SNX29: variants seen among roughly 807,000 people sequenced by gnomAD.
The protein encoded by SNX29 is sorting nexin 29, also known as sorting nexin-29.
SNX29 carries 78 observed loss-of-function variants against 102.1 expected under a neutral mutation model. That is an observed-to-expected ratio of 0.76 (90% confidence interval 0.64 to 0.92). The LOEUF (loss-of-function observed/expected upper bound fraction) is 0.92, where lower values mean the gene tolerates loss of function less well. Ranked by LOEUF, SNX29 falls within the 40% of genes least tolerant of loss-of-function variation. SNX29 has a pLI of 0.00. For synonymous variants in SNX29, 580 were observed against 414.5 expected (o/e 1.40, Z -4.85); for missense variants, 1,280 against 1,061.7 (o/e 1.21, Z -2.86).
At chr16:12,552,353 T>C (rs914444395) in intron 20 of SNX29, among the ~76,000 whole-genome samples, 9 of 152,180 alleles carry the variant, frequency 5.9e-5, no homozygotes, top group African/African-American at 1.9e-4. Context: ...GAGGGTTTAA[T>C]AAGCCAATAC....
intron 13 of SNX29, among the ~76,000 whole-genome samples, chr16:12,195,651 T>A (rs1348020991): frequency 6.6e-6 from 1 of 152,220 alleles, no homozygotes; most frequent in African/African-American, 2.4e-5. Flanking sequence ...CTCACGCAAT[T>A]TTTCAAGGCC....
At chr16:12,413,858 G>C (rs1218695720) in intron 18 of SNX29, among the ~76,000 whole-genome samples, 1 of 151,072 alleles carries the variant, frequency 6.6e-6, no homozygotes, top group Non-Finnish European at 1.5e-5. Flanking sequence ...AATGAGGCGG[G>C]ATGTAAATTA....
At chr16:12,036,706 A>G (rs2057485993) in intron 4 of SNX29, among the ~76,000 whole-genome samples, 1 of 152,044 alleles carries the variant, frequency 6.6e-6, no homozygotes, top group Non-Finnish European at 1.5e-5. Context: ...GTGTTGTCAC[A>G]TTGATGAGAC....
chr16:12,286,486 C>T (rs549941151), intron 15 of SNX29, among the ~76,000 whole-genome samples: 2 of 151,702 alleles, frequency 1.3e-5, no homozygotes, highest in East Asian at 1.9e-4. Context: ...GCTGGGACTA[C>T]AGGCCCCACC....
intron 14 of SNX29, among the ~76,000 whole-genome samples, chr16:12,273,695 G>C (rs1052035523): frequency 6.6e-6 from 1 of 152,008 alleles, no homozygotes. Flanking sequence ...TGCAACCATC[G>C]CCACTCTCTA....
chr16:12,118,313 C>CTTTCTTTTTT lies in SNX29; in HGVS notation c.1403-8317_1403-8316insCTTTTTTTTT, dbSNP rs1286174976. ...TGTAGATAGTAGATATACAGACCAC[C>CTTTCTTTTTT]TTTTTTTTTTTTTTTTTTTTTTTAT... On this transcript the variant is annotated intron_variant, in intron 11 of 20. Coordinates refer to ENST00000566228, the MANE Select transcript of SNX29 (RefSeq NM_032167.5). Among the ~76,000 whole-genome samples, 106 of 86,116 alleles carry CTTTCTTTTTT rather than the reference C, an allele frequency of 1.2e-3. No homozygotes were observed. The East Asian group carries it at 0.014, about 12-fold the overall frequency. The allele number at this position is 86,116 out of a possible 152,430, so 56.5% of individuals were successfully genotyped here. A position where few individuals can be genotyped will look rare whatever the true frequency, so the allele number is the denominator to read the frequency against.
intron 20 of SNX29, among the ~76,000 whole-genome samples, chr16:12,552,813 C>G (rs1283850572): frequency 6.6e-6 from 1 of 152,140 alleles, no homozygotes; most frequent in Non-Finnish European, 1.5e-5. Flanking sequence ...GAGAGAACAG[C>G]CAACAGTGTG....
intron 10 of SNX29, among the ~76,000 whole-genome samples, chr16:12,071,504 G>C (rs1399900354): frequency 2.0e-5 from 3 of 152,046 alleles, no homozygotes; most frequent in Admixed American, 6.6e-5. Flanking sequence ...ATTTCTGAGG[G>C]CTCTGTTCTG....
chr16:12,556,794 G>T (rs909011620), intron 20 of SNX29, among the ~76,000 whole-genome samples: 3 of 152,096 alleles, frequency 2.0e-5, no homozygotes, highest in African/African-American at 4.8e-5. Context: ...GTCAACAGTT[G>T]CCCCCTTTAC....
intron 16 of SNX29, among the ~76,000 whole-genome samples, chr16:12,368,162 G>A (rs28540294): frequency 0.063 from 9,554 of 152,214 alleles, 534 homozygotes; most frequent in African/African-American, 0.14. Context: ...CACCATGGGT[G>A]GTCAGTTTCC....
chr16:12,201,358 G>C (rs1425074243), intron 14 of SNX29, among the ~76,000 whole-genome samples: 1 of 152,094 alleles, frequency 6.6e-6, no homozygotes, highest in Non-Finnish European at 1.5e-5. Flanking sequence ...TACATACTTG[G>C]AATGAATAGT....
intron 14 of SNX29, among the ~76,000 whole-genome samples, chr16:12,207,317 C>A (rs2142013374): frequency 6.6e-6 from 1 of 152,216 alleles, no homozygotes; most frequent in East Asian, 1.9e-4. Flanking sequence ...TGCAGTGAGC[C>A]AAGATCGCAC....
Position 12,569,046 on chromosome 16 carries a change from G to T in SNX29, c.*417G>T, listed in dbSNP as rs928855321. ...GCCTCTCCACTCTTTCCCACGTGGG[G>T]ACTAGAATGACTATTAGCCTCTCCT... On this transcript the variant is annotated 3_prime_UTR_variant, in exon 21 of 21. Transcript: ENST00000566228. The T allele has an allele frequency of 3.1e-5, 7 of 223,354 alleles. No individual in the cohort carries two copies. The highest frequency in any genetic ancestry group is 1.3e-3 in the Middle Eastern group (1 of 754). The allele number at this position is 223,354 out of a possible 1,614,324, so 13.8% of individuals were successfully genotyped here.
intron 14 of SNX29, among the ~76,000 whole-genome samples, chr16:12,248,232 G>A (rs923452325): frequency 3.9e-5 from 6 of 152,096 alleles, no homozygotes; most frequent in African/African-American, 1.4e-4. Flanking sequence ...CATCCCCACA[G>A]GATCCAGCCC....
intron 16 of SNX29, among the ~76,000 whole-genome samples, chr16:12,393,078 A>G (rs2083588066): frequency 6.6e-6 from 1 of 152,234 alleles, no homozygotes; most frequent in Non-Finnish European, 1.5e-5. Flanking sequence ...AGCTAATTGC[A>G]TAAGGGCAGG....
intron 20 of SNX29, among the ~76,000 whole-genome samples, chr16:12,544,877 T>C (rs1245313636): frequency 1.3e-5 from 2 of 152,240 alleles, no homozygotes; most frequent in African/African-American, 4.8e-5. Flanking sequence ...ACACAGCCCC[T>C]GGCCTGTGGT....
chr16:12,270,263 G>T (rs946892339), intron 14 of SNX29, among the ~76,000 whole-genome samples: 1 of 152,200 alleles, frequency 6.6e-6, no homozygotes, highest in Non-Finnish European at 1.5e-5. Flanking sequence ...TATTGTTTAG[G>T]TTTGACTTTC....
chr16:12,540,681 T>C (rs866809890), intron 20 of SNX29, among the ~76,000 whole-genome samples: 16 of 152,296 alleles, frequency 1.1e-4, no homozygotes, highest in South Asian at 1.0e-3. Context: ...TGCTGGTCCC[T>C]CTTGTTGTAG....
At chr16:12,310,852 TAGG>T (rs2080515652) in intron 15 of SNX29, among the ~76,000 whole-genome samples, 1 of 151,284 alleles carries the variant, frequency 6.6e-6, no homozygotes, top group African/African-American at 2.4e-5. Flanking sequence ...TCCTGGCACA[TAGG>T]AGCAGTGCCC....
Sources: gnomAD v4.1 joint callset for allele counts (sites outside exome capture counted in the v4.1 genomes callset) on GRCh38, gnomAD v4.1.1 for gene constraint, MANE v1.5 for transcripts, NCBI Gene and HGNC (gene_info 2026-07-23, HGNC 2026-07-21) for gene names.